TASP1: variants seen among roughly 807,000 people sequenced by gnomAD.
TASP1 encodes the protein threonine aspartase 1.
TASP1 carries 16 observed loss-of-function variants against 56.6 expected under a neutral mutation model. The ratio of observed to expected loss-of-function variants is 0.28; its 90% CI spans 0.19 to 0.43. The LOEUF is 0.43. Among genes scored for constraint, TASP1 ranks in the 20% least tolerant of loss-of-function variants. TASP1 has a pLI of 1.00. For synonymous variants in TASP1, 179 were observed against 184.2 expected (o/e 0.97, Z 0.23); for missense variants, 393 against 511.6 (o/e 0.77, Z 2.24).
At chr20:13,410,675 CTT>C (rs951633373) in intron 13 of TASP1, among the ~76,000 whole-genome samples, 1 of 151,028 alleles carries the variant, frequency 6.6e-6, no homozygotes, top group Non-Finnish European at 1.5e-5. Flanking sequence ...TTAATGGGAT[CTT>C]TTTTTTTAAA....
At chr20:13,434,995 C>T (rs376925130) in intron 12 of TASP1, 49 bp downstream of exon 12, 17 of 1,388,508 alleles carry the variant, frequency 1.2e-5, no homozygotes, top group Admixed American at 2.3e-5. Flanking sequence ...TTCATTTTTT[C>T]TTGGAAAAAA....
At chr20:13,120,222 CAGATAGATAGGT>C in the TASP1 span, among the ~76,000 whole-genome samples, 2 of 152,048 alleles carry the variant, frequency 1.3e-5, no homozygotes, top group East Asian at 1.9e-4. Context: ...TACTGTAAGA[CAGATAGATAGGT>C]AGATAGATAG....
the TASP1 span, among the ~76,000 whole-genome samples, chr20:13,249,436 G>A: frequency 3.3e-5 from 5 of 152,194 alleles, no homozygotes. Context: ...AGACATGGCA[G>A]GACCACACGG....
chr20:13,362,424 C>T, the TASP1 span, among the ~76,000 whole-genome samples: 1 of 150,374 alleles, frequency 6.7e-6, no homozygotes, highest in Non-Finnish European at 1.5e-5. Context: ...ATGACATTAC[C>T]TTGTGAAAGT....
At chr20:13,165,001 G>A in the TASP1 span, 1 of 643,686 alleles carries the variant, frequency 1.6e-6, no homozygotes, top group Non-Finnish European at 2.6e-6. Flanking sequence ...TTGAACTGAG[G>A]GAGACGTTGT....
intron 4 of TASP1, among the ~76,000 whole-genome samples, chr20:13,606,848 T>C (rs1383767584): frequency 5.9e-5 from 9 of 151,438 alleles, no homozygotes; most frequent in Non-Finnish European, 1.0e-4. Flanking sequence ...TTAGGTGCTA[T>C]ATCCCAATAT....
chr20:13,267,450 G>A, the TASP1 span, among the ~76,000 whole-genome samples: 2 of 152,262 alleles, frequency 1.3e-5, no homozygotes, highest in East Asian at 1.9e-4. Flanking sequence ...ACCCTAACGC[G>A]ACACTTCCCT....
At chr20:13,435,900 T>G (rs781047840) in intron 11 of TASP1, among the ~76,000 whole-genome samples, 6 of 152,124 alleles carry the variant, frequency 3.9e-5, no homozygotes, top group Non-Finnish European at 7.4e-5. Context: ...TGGTGGGAGC[T>G]TCTGCTTAAA....
At chr20:13,263,258 T>C in the TASP1 span, among the ~76,000 whole-genome samples, 2 of 152,160 alleles carry the variant, frequency 1.3e-5, no homozygotes, top group Non-Finnish European at 2.9e-5. Context: ...GTCATCTGTG[T>C]CTTCACAGTG....
intron 13 of TASP1, among the ~76,000 whole-genome samples, chr20:13,391,733 C>G (rs147268484): frequency 6.6e-6 from 1 of 151,668 alleles, no homozygotes; most frequent in African/African-American, 2.4e-5. Context: ...TTTGGGAGGC[C>G]GAGGCGGGCA....
chr20:13,480,027 C>G (rs960782084), intron 11 of TASP1, among the ~76,000 whole-genome samples: 10 of 152,168 alleles, frequency 6.6e-5, no homozygotes, highest in Non-Finnish European at 1.0e-4. Context: ...TCTGGTAATT[C>G]AATTTATTTC....
chr20:13,347,337 A>G, the TASP1 span, among the ~76,000 whole-genome samples: 1 of 152,260 alleles, frequency 6.6e-6, no homozygotes, highest in Non-Finnish European at 1.5e-5. Flanking sequence ...TCACATTAAC[A>G]CACAAGTAGA....
the TASP1 span, among the ~76,000 whole-genome samples, chr20:13,147,739 G>A: frequency 5.3e-4 from 80 of 152,312 alleles, no homozygotes; most frequent in Middle Eastern, 6.8e-3. Flanking sequence ...CATTTTCCAA[G>A]CAATGCTGCC....
chr20:13,296,353 G>A, the TASP1 span, among the ~76,000 whole-genome samples: 1 of 152,110 alleles, frequency 6.6e-6, no homozygotes, highest in Non-Finnish European at 1.5e-5. Context: ...GGGAGCTGGT[G>A]GATAAAAACT....
At chr20:13,564,820 G>A (rs1601264179) in intron 7 of TASP1, among the ~76,000 whole-genome samples, 1 of 151,794 alleles carries the variant, frequency 6.6e-6, no homozygotes, top group Non-Finnish European at 1.5e-5. Flanking sequence ...GGCCAGCATG[G>A]TGAAACCTCA....
the TASP1 span, chr20:13,117,832 TCAGCTGATCACTC>T: frequency 9.8e-7 from 1 of 1,022,632 alleles, no homozygotes; most frequent in Admixed American, 2.7e-5. Flanking sequence ...TCACCACACC[TCAGCTGATCACTC>T]CAGCCTGGCT....
chr20:13,310,822 T>C, the TASP1 span, among the ~76,000 whole-genome samples: 1 of 152,184 alleles, frequency 6.6e-6, no homozygotes, highest in African/African-American at 2.4e-5. Flanking sequence ...AGTTGCTCAA[T>C]GTCACTAACC....
the TASP1 span, among the ~76,000 whole-genome samples, chr20:13,286,126 T>A: frequency 1.3e-5 from 2 of 151,970 alleles, no homozygotes; most frequent in Non-Finnish European, 2.9e-5. Context: ...ACTTTTGACC[T>A]TTTTTTAGCT....
chr20:13,286,466 C>T, the TASP1 span, among the ~76,000 whole-genome samples: 5 of 152,236 alleles, frequency 3.3e-5, no homozygotes, highest in African/African-American at 1.2e-4. Context: ...TTTCCTGACA[C>T]AGAGCATTAG....
Sources: gnomAD v4.1 joint callset for allele counts (sites outside exome capture counted in the v4.1 genomes callset) on GRCh38, gnomAD v4.1.1 for gene constraint, MANE v1.5 for transcripts, NCBI Gene and HGNC (gene_info 2026-07-23, HGNC 2026-07-21) for gene names.